The following PPP2R5C variants were observed in gnomAD, a reference collection of about 807,000 sequenced individuals.
The protein encoded by PPP2R5C is protein phosphatase 2 regulatory subunit B'gamma.
PPP2R5C carries 7 observed loss-of-function variants against 68.9 expected under a neutral mutation model. The observed-to-expected ratio is 0.10, with a 90% confidence interval of 0.06 to 0.19. The LOEUF (loss-of-function observed/expected upper bound fraction) is 0.19, where lower values mean the gene tolerates loss of function less well. Ranked by LOEUF, PPP2R5C falls within the 10% of genes least tolerant of loss-of-function variation. The pLI, the probability that PPP2R5C is intolerant of heterozygous loss-of-function variation, is 1.00. For synonymous variants in PPP2R5C, 210 were observed against 222.2 expected (o/e 0.95, Z 0.49); for missense variants, 348 against 641.3 (o/e 0.54, Z 4.94).
At chr14:101,780,970 G>A (rs188119007) in intron 2 of PPP2R5C, among the ~76,000 whole-genome samples, 3 of 152,266 alleles carry the variant, frequency 2.0e-5, no homozygotes, top group Non-Finnish European at 4.4e-5. Flanking sequence ...TCACCCCACA[G>A]CCTGAGCCTT....
At chr14:101,894,253 T>C (rs897897397) in intron 7 of PPP2R5C, among the ~76,000 whole-genome samples, 3 of 152,230 alleles carry the variant, frequency 2.0e-5, no homozygotes, top group African/African-American at 7.2e-5. Flanking sequence ...AATCCCATCA[T>C]ACTGGATTGA....
intron 10 of PPP2R5C, 137 bp from the exon 13 acceptor site, chr14:101,909,452 G>A: frequency 1.9e-6 from 1 of 520,026 alleles, no homozygotes; most frequent in Non-Finnish European, 3.5e-6. Flanking sequence ...AACGCGGAAT[G>A]AGCAGGCCTT....
exon 2 of PPP2R5C, chr14:101,762,909 C>T (rs1387483724): frequency 6.3e-7 from 1 of 1,582,158 alleles, no homozygotes. Flanking sequence ...TACCAGGAAT[C>T]ACCAAAAGCA....
intron 1 of PPP2R5C, chr14:101,831,753 T>C (rs1232161966): frequency 2.8e-6 from 2 of 702,528 alleles, no homozygotes; most frequent in Non-Finnish European, 5.2e-6. Flanking sequence ...CAACTTTTCA[T>C]ACGCACGGGT....
At chr14:101,867,162 A>G (rs1035084909) in intron 2 of PPP2R5C, among the ~76,000 whole-genome samples, 1 of 151,938 alleles carries the variant, frequency 6.6e-6, no homozygotes, top group African/African-American at 2.4e-5. Flanking sequence ...GGTTGCAGTA[A>G]GCTGAGATCA....
intron 11 of PPP2R5C, among the ~76,000 whole-genome samples, chr14:101,910,609 G>A (rs2046327926): frequency 6.6e-6 from 1 of 152,180 alleles, no homozygotes; most frequent in African/African-American, 2.4e-5. Context: ...AAGGCGGGTG[G>A]ATCACAAGGT....
chr14:101,848,145 C>T (rs1042589895), intron 1 of PPP2R5C, among the ~76,000 whole-genome samples: 3 of 152,128 alleles, frequency 2.0e-5, no homozygotes, highest in African/African-American at 7.2e-5. Context: ...TTAGAGATCA[C>T]CTAGATCCTT....
At chr14:101,815,123 T>A (rs1357598318) in intron 1 of PPP2R5C, among the ~76,000 whole-genome samples, 1 of 152,152 alleles carries the variant, frequency 6.6e-6, no homozygotes, top group African/African-American at 2.4e-5. Context: ...TGAGGCATTA[T>A]AACCCTCCCC....
chr14:101,876,598 C>T (rs1566930837), intron 2 of PPP2R5C, among the ~76,000 whole-genome samples: 1 of 152,210 alleles, frequency 6.6e-6, no homozygotes, highest in Non-Finnish European at 1.5e-5. Context: ...TTCTAGTTTA[C>T]ATCTAATTTA....
chr14:101,767,871 T>G (rs2036939825), intron 2 of PPP2R5C, among the ~76,000 whole-genome samples: 1 of 152,164 alleles, frequency 6.6e-6, no homozygotes, highest in Non-Finnish European at 1.5e-5. Flanking sequence ...CCTTGAGGCT[T>G]GAGGGAGTGG....
intron 8 of PPP2R5C, among the ~76,000 whole-genome samples, chr14:101,901,444 G>T (rs138633364): frequency 6.6e-6 from 1 of 152,172 alleles, no homozygotes; most frequent in Non-Finnish European, 1.5e-5. Flanking sequence ...AGGATCACTT[G>T]AGCCAAGGAG....
intron 1 of PPP2R5C, among the ~76,000 whole-genome samples, chr14:101,840,942 G>A (rs963196946): frequency 9.9e-5 from 15 of 152,188 alleles, no homozygotes; most frequent in African/African-American, 3.4e-4. Flanking sequence ...AGTTGCTTCT[G>A]TTACCATCAG....
At chr14:101,786,579 C>T (rs1320014708) in intron 3 of PPP2R5C, among the ~76,000 whole-genome samples, 1 of 151,964 alleles carries the variant, frequency 6.6e-6, no homozygotes, top group Non-Finnish European at 1.5e-5. Flanking sequence ...GTAGAAGTTC[C>T]CTATGTTTCT....
At chr14:101,867,458 A>G (rs1427292922) in intron 2 of PPP2R5C, among the ~76,000 whole-genome samples, 1 of 152,108 alleles carries the variant, frequency 6.6e-6, no homozygotes, top group Non-Finnish European at 1.5e-5. Flanking sequence ...ATCAAAAACC[A>G]GTAAAGATAT....
intron 11 of PPP2R5C, among the ~76,000 whole-genome samples, chr14:101,909,982 G>A (rs1451792831): frequency 6.6e-6 from 1 of 152,138 alleles, no homozygotes; most frequent in African/African-American, 2.4e-5. Flanking sequence ...GGCTATAATG[G>A]GCTTAAAGGC....
chr14:101,850,635 A>T (rs1595372202), intron 1 of PPP2R5C, among the ~76,000 whole-genome samples: 2 of 152,330 alleles, frequency 1.3e-5, no homozygotes, highest in Admixed American at 1.3e-4. Context: ...TCAACCAGAC[A>T]TTAAGTCTTC....
intron 9 of PPP2R5C, among the ~76,000 whole-genome samples, chr14:101,903,133 C>A (rs1018202119): frequency 9.2e-5 from 14 of 151,534 alleles, no homozygotes; most frequent in South Asian, 4.2e-4. Flanking sequence ...TAGAGACCAG[C>A]GCCACGGAGC....
intron 1 of PPP2R5C, among the ~76,000 whole-genome samples, chr14:101,762,419 G>A (rs893391814): frequency 1.3e-5 from 2 of 152,104 alleles, no homozygotes; most frequent in South Asian, 2.1e-4. Flanking sequence ...CTGCCGCCCC[G>A]GAGGGACGCT....
intron 2 of PPP2R5C, among the ~76,000 whole-genome samples, chr14:101,881,315 A>G (rs1741156): frequency 0.39 from 58,882 of 151,950 alleles, 15,153 homozygotes; most frequent in African/African-American, 0.74. Flanking sequence ...CACAAGAATC[A>G]CTTGAACCCG....
Sources: allele counts gnomAD v4.1 joint callset (sites outside exome capture counted in the v4.1 genomes callset), GRCh38; gene constraint gnomAD v4.1.1; transcripts MANE v1.5; gene names NCBI Gene and HGNC (gene_info 2026-07-23, HGNC 2026-07-21).